COPS5: variants seen among roughly 807,000 people sequenced by gnomAD.
COPS5 encodes the protein COP9 signalosome subunit 5.
In COPS5, 8 loss-of-function variants were observed where a neutral mutation model predicts 44.4. The ratio of observed to expected loss-of-function variants is 0.18; its 90% CI spans 0.11 to 0.32. The LOEUF (loss-of-function observed/expected upper bound fraction) is 0.32. Ranked by LOEUF, COPS5 falls within the 10% of genes least tolerant of loss-of-function variation. The pLI, the probability that COPS5 is intolerant of heterozygous loss-of-function variation, is 1.00. For synonymous variants in COPS5, 122 were observed against 142.8 expected, an observed-to-expected ratio of 0.85 and a Z score of 1.04; for missense variants, 159 against 406.4, an observed-to-expected ratio of 0.39 and a Z score of 5.23.
rs1239254298 is a variant in COPS5 at position 67,052,874 on chromosome 8, TTGGAAGGTGCTTGAGTAGAA to T, written c.660-1553_660-1534del. On this transcript the variant is annotated intron_variant, in intron 5 of 7. Transcript: ENST00000357849. ...TTTATCCTGTAGATACCCGGGACTC[TTGGAAGGTGCTTGAGTAGAA>T]TGGAAGGTACTTGAGTAGAGTAATA... is the stretch of plus-strand genomic sequence containing the variant. Among the ~76,000 whole-genome samples, 9 of 151,228 alleles carry T rather than the reference TTGGAAGGTGCTTGAGTAGAA, an allele frequency of 6.0e-5. No individual in the cohort carries two copies. In the East Asian group the frequency reaches 1.8e-3, roughly 30 times the overall value.
At chr8:67,060,646 TA>T in intron 1 of COPS5, 1 of 404,912 alleles carries the variant, frequency 2.5e-6, no homozygotes. Flanking sequence ...ACAATACCAA[TA>T]AGTAGGTCTT....
At chr8:67,052,274 C>T (rs1344551263) in intron 5 of COPS5, among the ~76,000 whole-genome samples, 2 of 151,690 alleles carry the variant, frequency 1.3e-5, no homozygotes, top group African/African-American at 4.8e-5. Flanking sequence ...CAGAGAGCAT[C>T]AACACACAAA....
chr8:67,049,646 G>T (rs915522474), intron 6 of COPS5, among the ~76,000 whole-genome samples: 1 of 152,076 alleles, frequency 6.6e-6, no homozygotes, highest in Non-Finnish European at 1.5e-5. Flanking sequence ...AACAACTACT[G>T]TTGCTTGCAA....
chr8:67,058,390 C>T (rs1277952538), intron 2 of COPS5, among the ~76,000 whole-genome samples, 179 bp from the exon 3 acceptor site: 3 of 152,172 alleles, frequency 2.0e-5, no homozygotes, highest in African/African-American at 4.8e-5. Flanking sequence ...TCTTTGTATA[C>T]AGAATACATA....
At position 67,061,933 on chromosome 8, in the gene COPS5, C is replaced by A. The variant is rs779252592; in HGVS notation, c.64G>T (p.Ala22Ser). The A allele has an allele frequency of 4.0e-5, 65 of 1,614,140 alleles. No homozygotes were observed. The highest frequency in any genetic ancestry group is 1.3e-4 in the South Asian group (12 of 91,094). The change falls in exon 1 of 8, where the codon GCT (alanine) becomes TCT (serine). Residue 22 changes from alanine to serine, a missense_variant. Coordinates refer to ENST00000357849, the MANE Select transcript of COPS5 (RefSeq NM_006837.3). ...TWELANNMQE[A>S]QSIDEIYKYD... is the part of the protein sequence containing the mutation. Reference sequence around the variant, plus strand: ...TTGTAGATTTCATCGATACTCTGAGCTTCCTGCATGTTGTTGGCCAGTTCC... The same window carrying A: ...TTGTAGATTTCATCGATACTCTGAGATTCCTGCATGTTGTTGGCCAGTTCC...
chr8:67,054,553 A>T (rs1408282770), intron 5 of COPS5, among the ~76,000 whole-genome samples: 1 of 152,222 alleles, frequency 6.6e-6, no homozygotes. Context: ...TCTGAAATAA[A>T]AAAACAGGAA....
At chr8:67,047,832 C>G (rs1226747257) in intron 6 of COPS5, 9 of 702,396 alleles carry the variant, frequency 1.3e-5, no homozygotes, top group Non-Finnish European at 2.1e-5. Flanking sequence ...TCAGGTGTCA[C>G]TTCTGGCTGC....
chr8:67,061,678 A>C (rs936967638), intron 1 of COPS5, 176 bp downstream of exon 1: 7 of 633,674 alleles, frequency 1.1e-5, no homozygotes, highest in Non-Finnish European at 1.9e-5. Flanking sequence ...AAGCGACAGA[A>C]AGGGGAGTGA....
chr8:67,045,538 T>A (rs980541643), intron 7 of COPS5: 7 of 390,292 alleles, frequency 1.8e-5, no homozygotes, highest in African/African-American at 1.4e-4. Context: ...TGTCACACTT[T>A]CTAGTTGAAC....
At chr8:67,054,734 T>C (rs1429986443) in intron 5 of COPS5, among the ~76,000 whole-genome samples, 1 of 152,252 alleles carries the variant, frequency 6.6e-6, no homozygotes, top group Admixed American at 6.5e-5. Flanking sequence ...TTCTTTGAAG[T>C]TGGCATAAGT....
chr8:67,049,187 G>A (rs1429243245), intron 6 of COPS5, among the ~76,000 whole-genome samples: 1 of 152,200 alleles, frequency 6.6e-6, no homozygotes, highest in Non-Finnish European at 1.5e-5. Flanking sequence ...TAATCTGGCT[G>A]GGCATGGTGG....
chr8:67,058,024 A>G, intron 3 of COPS5, 59 bp downstream of exon 3: 3 of 1,563,516 alleles, frequency 1.9e-6, no homozygotes, highest in South Asian at 2.2e-5. Flanking sequence ...ATTTCTCAGT[A>G]TACTTGCTTC....
intron 1 of COPS5, chr8:67,060,654 T>C: frequency 2.7e-6 from 1 of 375,362 alleles, no homozygotes; most frequent in Non-Finnish European, 4.8e-6. Flanking sequence ...AATAAGTAGG[T>C]CTTATTTCCA....
intron 5 of COPS5, among the ~76,000 whole-genome samples, chr8:67,055,074 A>G (rs1209239519): frequency 6.6e-6 from 1 of 152,236 alleles, no homozygotes; most frequent in Non-Finnish European, 1.5e-5. Context: ...AGTGAGCCAC[A>G]TGGAAATAAG....
intron 1 of COPS5, chr8:67,060,556 G>C: frequency 8.0e-7 from 1 of 1,254,384 alleles, no homozygotes; most frequent in Non-Finnish European, 1.0e-6. Context: ...CTGGAGAAAA[G>C]AAGAAAGACA....
chr8:67,052,033 A>G (rs1804421791), intron 5 of COPS5, among the ~76,000 whole-genome samples: 2 of 152,218 alleles, frequency 1.3e-5, no homozygotes. Context: ...GATGTGGTCT[A>G]AACCCACATC....
intron 5 of COPS5, among the ~76,000 whole-genome samples, chr8:67,054,512 T>C (rs1021473257): frequency 5.3e-5 from 8 of 152,158 alleles, no homozygotes; most frequent in Admixed American, 1.3e-4. Context: ...GTGGTGTGCC[T>C]GTAGTCCCTG....
At chr8:67,050,703 C>T (rs778252351) in intron 6 of COPS5, among the ~76,000 whole-genome samples, 8 of 150,094 alleles carry the variant, frequency 5.3e-5, no homozygotes, top group South Asian at 2.1e-4. Context: ...CTAAAGCTGC[C>T]GTCTTGCTTT....
At position 67,058,176 on chromosome 8, in the gene COPS5, ATGATACCACCCGAT is replaced by A; in HGVS notation, c.400_413del (p.Ile134Ter). ...GCCAGCAGCCATAGCCAGGGTGGCT[ATGATACCACCCGAT>A]TGCATTTTCAAGGCGGCCAACCTAA... On this transcript the variant is annotated frameshift_variant, in exon 3 of 8. Transcript: ENST00000357849. LOFTEE classifies it high-confidence loss of function. 1 of 1,613,992 alleles carries A rather than the reference ATGATACCACCCGAT, an allele frequency of 6.2e-7. No homozygotes were observed. The highest frequency in any genetic ancestry group is 8.5e-7 in the Non-Finnish European group (1 of 1,179,842).
Sources: allele counts gnomAD v4.1 joint callset (sites outside exome capture counted in the v4.1 genomes callset), GRCh38; gene constraint gnomAD v4.1.1; transcripts MANE v1.5; gene names NCBI Gene and HGNC (gene_info 2026-07-23, HGNC 2026-07-21).